PDZD2: variants seen among roughly 807,000 people sequenced by gnomAD.
PDZD2 encodes the protein PDZ domain containing 2.
A neutral mutation model predicts 220.7 loss-of-function variants in PDZD2; 90 were observed. That is an observed-to-expected ratio of 0.41 (90% CI 0.34 to 0.49). PDZD2 has a LOEUF of 0.49. Among genes scored for constraint, PDZD2 ranks in the 20% least tolerant of loss-of-function variants. PDZD2 has a pLI of 0.28. For synonymous variants in PDZD2, 1,375 were observed against 1,450.5 expected, an observed-to-expected ratio of 0.95 and a Z score of 1.18; for missense variants, 3,174 against 3,608.5, an observed-to-expected ratio of 0.88 and a Z score of 3.08.
intron 24 of PDZD2, chr5:32,107,400 TA>T (rs532836125): frequency 6.8e-5 from 10 of 147,752 alleles, no homozygotes; most frequent in Non-Finnish European, 9.0e-5. Flanking sequence ...ACCAAAAATA[TA>T]AAAAAAAAAG....
intron 1 of PDZD2, among the ~76,000 whole-genome samples, chr5:31,788,915 A>G (rs1753542562): frequency 6.6e-6 from 1 of 152,218 alleles, no homozygotes; most frequent in East Asian, 1.9e-4. Context: ...GGAACTCAGT[A>G]ATAACTGCTA....
At chr5:31,932,768 C>G (rs569835870) in intron 2 of PDZD2, among the ~76,000 whole-genome samples, 5 of 152,302 alleles carry the variant, frequency 3.3e-5, no homozygotes, top group Non-Finnish European at 7.4e-5. Context: ...ACTTCCCATT[C>G]CTCCTCTCCC....
chr5:31,804,435 G>C (rs1313770792), intron 2 of PDZD2, among the ~76,000 whole-genome samples: 1 of 152,170 alleles, frequency 6.6e-6, no homozygotes, highest in Non-Finnish European at 1.5e-5. Context: ...ATAATTACAA[G>C]AAGTACCATT....
At chr5:32,032,398 C>A (rs1465969982) in intron 6 of PDZD2, among the ~76,000 whole-genome samples, 1 of 152,182 alleles carries the variant, frequency 6.6e-6, no homozygotes, top group African/African-American at 2.4e-5. Flanking sequence ...GTGGCCACGT[C>A]GGTCACTTTC....
At chr5:31,755,814 TG>T (rs1477051296) in intron 1 of PDZD2, among the ~76,000 whole-genome samples, 2 of 152,162 alleles carry the variant, frequency 1.3e-5, no homozygotes, top group African/African-American at 4.8e-5. Flanking sequence ...GTGGCCTGGC[TG>T]GGCTATGTCA....
intron 6 of PDZD2, among the ~76,000 whole-genome samples, chr5:32,011,730 A>G (rs1415409677): frequency 6.6e-6 from 1 of 152,140 alleles, no homozygotes; most frequent in East Asian, 1.9e-4. Flanking sequence ...ATAAGGCCTT[A>G]GAAGATGAAA....
chr5:31,765,165 G>GAGCC (rs1476823225), intron 1 of PDZD2, among the ~76,000 whole-genome samples: 1 of 152,106 alleles, frequency 6.6e-6, no homozygotes, highest in African/African-American at 2.4e-5. Flanking sequence ...CTCTCTCCTG[G>GAGCC]AGCCCCCTCT....
chr5:31,705,127 A>T (rs779513559), intron 1 of PDZD2, among the ~76,000 whole-genome samples: 1 of 151,728 alleles, frequency 6.6e-6, no homozygotes, highest in Admixed American at 6.6e-5. Context: ...TGCCACTGCA[A>T]TCCAGCCTGG....
chr5:31,997,307 G>A (rs1360897412), intron 4 of PDZD2, among the ~76,000 whole-genome samples: 1 of 152,166 alleles, frequency 6.6e-6, no homozygotes. Flanking sequence ...TGAAGGAGCT[G>A]GAGATAGTCT....
At chr5:31,876,288 A>G (rs1275907418) in intron 2 of PDZD2, among the ~76,000 whole-genome samples, 1 of 130,884 alleles carries the variant, frequency 7.6e-6, no homozygotes, top group Non-Finnish European at 1.6e-5. Flanking sequence ...TTGAATTTGA[A>G]TTTTTTTTCT....
intron 18 of PDZD2, among the ~76,000 whole-genome samples, chr5:32,076,003 C>T (rs778582694): frequency 3.9e-5 from 6 of 151,966 alleles, no homozygotes; most frequent in Non-Finnish European, 5.9e-5. Flanking sequence ...TAAAAAGCAT[C>T]GGCCGGGCAC....
At chr5:31,782,357 T>G (rs1006446203) in intron 1 of PDZD2, among the ~76,000 whole-genome samples, 1 of 152,194 alleles carries the variant, frequency 6.6e-6, no homozygotes, top group Non-Finnish European at 1.5e-5. Flanking sequence ...TTTCAGAAAT[T>G]CATTTTTAAC....
Position 32,058,045 on chromosome 5 carries a change from G to A in PDZD2, c.2142G>A (p.Leu714=). 3 of 1,612,908 alleles carry A rather than the reference G, an allele frequency of 1.9e-6. No homozygotes were observed. Among genetic ancestry groups the A allele is most frequent in the South Asian group, 1.1e-5 (1 of 91,054 alleles). ...GGSDEGSSSS[L]GRKTPGPKDR... is the part of the protein sequence containing the mutation. ...CCGATGAAGGCAGTTCTTCATCCCT[G>A]GGTCGGAAGACCCCTGGGCCCAAGG... The change falls in exon 12 of 25, where the codon CTG becomes CTA. Residue 714 remains leucine, a synonymous_variant. Transcript: ENST00000438447.
At chr5:31,752,548 CAAAAATAAATAAA>C (rs1751061771) in intron 1 of PDZD2, among the ~76,000 whole-genome samples, 2 of 151,554 alleles carry the variant, frequency 1.3e-5, no homozygotes, top group South Asian at 4.2e-4. Flanking sequence ...CACTCTGTCT[CAAAAATAAATAAA>C]TAAATAAAAT....
At chr5:31,816,212 C>CG (rs1755442029) in intron 2 of PDZD2, among the ~76,000 whole-genome samples, 1 of 148,830 alleles carries the variant, frequency 6.7e-6, no homozygotes, top group African/African-American at 2.5e-5. Context: ...GGCATGAACC[C>CG]GGGAGGCGGA....
intron 1 of PDZD2, among the ~76,000 whole-genome samples, chr5:31,784,186 C>G (rs1753240691): frequency 6.6e-6 from 1 of 152,328 alleles, no homozygotes; most frequent in Admixed American, 6.5e-5. Context: ...AGACACCATT[C>G]TGAGCGCATC....
At chr5:31,995,551 T>A in intron 3 of PDZD2, 25 bp from the exon 4 acceptor site, 1 of 1,613,680 alleles carries the variant, frequency 6.2e-7, no homozygotes, top group African/African-American at 1.3e-5. Context: ...ACCTCCTTCA[T>A]GGTGTGCTCA....
At chr5:32,050,545 C>G (rs328620) in intron 8 of PDZD2, among the ~76,000 whole-genome samples, 119,257 of 152,132 alleles carry the variant, frequency 0.78, 46,878 homozygotes, top group Middle Eastern at 0.83. Flanking sequence ...GTATTATCTA[C>G]AACCAGGATC....
At chr5:31,708,695 T>C (rs1275315347) in intron 1 of PDZD2, among the ~76,000 whole-genome samples, 1 of 152,138 alleles carries the variant, frequency 6.6e-6, no homozygotes, top group African/African-American at 2.4e-5. Flanking sequence ...CCCTCTAGAA[T>C]TGTGCAACAC....
Sources: allele counts gnomAD v4.1 joint callset (sites outside exome capture counted in the v4.1 genomes callset), GRCh38; gene constraint gnomAD v4.1.1; transcripts MANE v1.5; gene names NCBI Gene and HGNC (gene_info 2026-07-23, HGNC 2026-07-21).